TTC17: variants seen among roughly 807,000 people sequenced by gnomAD.
The protein encoded by TTC17 is tetratricopeptide repeat domain 17, also known as tetratricopeptide repeat protein 17.
Under a neutral mutation model 143.8 loss-of-function variants are expected in TTC17, and 58 were observed. The observed-to-expected ratio is 0.40, with a 90% CI of 0.33 to 0.50. The LOEUF (loss-of-function observed/expected upper bound fraction) is 0.50, where lower values mean the gene tolerates loss of function less well. Among genes scored for constraint, TTC17 ranks in the 20% least tolerant of loss-of-function variants. TTC17 has a pLI of 0.49. For missense variants in TTC17, 1,273 were observed against 1,392.5 expected (o/e 0.91, Z 1.37); for synonymous variants, 501 against 497.8 (o/e 1.01, Z -0.09).
intron 2 of TTC17, among the ~76,000 whole-genome samples, chr11:43,387,385 T>C (rs1245324880): frequency 6.6e-6 from 1 of 152,176 alleles, no homozygotes; most frequent in Non-Finnish European, 1.5e-5. Context: ...CCATCTTTAC[T>C]CACATTCCAT....
intron 2 of TTC17, among the ~76,000 whole-genome samples, chr11:43,388,812 GAA>G (rs34105462): frequency 7.2e-6 from 1 of 139,370 alleles, no homozygotes; most frequent in African/African-American, 2.6e-5. Context: ...CATCTGTATG[GAA>G]AAAAAAAAAA....
intron 16 of TTC17, among the ~76,000 whole-genome samples, chr11:43,417,818 G>A (rs966019792): frequency 3.9e-5 from 6 of 152,162 alleles, no homozygotes; most frequent in African/African-American, 1.2e-4. Flanking sequence ...GCCACCGCAC[G>A]ATCCAGCCTG....
chr11:43,413,592 A>G (rs529178414), intron 15 of TTC17, among the ~76,000 whole-genome samples: 1 of 152,246 alleles, frequency 6.6e-6, no homozygotes, highest in African/African-American at 2.4e-5. Context: ...AAAGACTAAT[A>G]TATAATATAG....
At chr11:43,475,858 T>C (rs1948175262) in intron 21 of TTC17, among the ~76,000 whole-genome samples, 1 of 152,204 alleles carries the variant, frequency 6.6e-6, no homozygotes. Flanking sequence ...ATTCTAAGTG[T>C]ATGTATTGTG....
chr11:43,459,827 A>G (rs1377503701), intron 21 of TTC17, among the ~76,000 whole-genome samples: 1 of 152,270 alleles, frequency 6.6e-6, no homozygotes, highest in Non-Finnish European at 1.5e-5. Flanking sequence ...ATCATGAAAT[A>G]TTCAGCACTT....
At chr11:43,419,006 T>A (rs997275368) in intron 16 of TTC17, among the ~76,000 whole-genome samples, 1 of 152,208 alleles carries the variant, frequency 6.6e-6, no homozygotes, top group African/African-American at 2.4e-5. Flanking sequence ...ATTTTTCTTA[T>A]ATTAGCATAA....
intron 21 of TTC17, among the ~76,000 whole-genome samples, chr11:43,474,399 GT>G (rs1186717340): frequency 5.3e-5 from 8 of 152,244 alleles, no homozygotes; most frequent in South Asian, 2.1e-4. Context: ...TTTTTAAATG[GT>G]TTTCCATAGA....
intron 16 of TTC17, among the ~76,000 whole-genome samples, chr11:43,437,364 A>T (rs1947315696): frequency 6.6e-6 from 1 of 152,138 alleles, no homozygotes; most frequent in African/African-American, 2.4e-5. Flanking sequence ...ATTTCTGCCT[A>T]CACTATTGCA....
chr11:43,473,942 A>C (rs1052999499), intron 21 of TTC17, among the ~76,000 whole-genome samples: 49 of 152,184 alleles, frequency 3.2e-4, no homozygotes, highest in African/African-American at 1.1e-3. Flanking sequence ...GAAACTGACT[A>C]TATCTAGCAA....
chr11:43,464,164 C>T (rs12277240), intron 21 of TTC17, among the ~76,000 whole-genome samples: 8,889 of 151,552 alleles, frequency 0.059, 289 homozygotes, highest in African/African-American at 0.094. Flanking sequence ...CCTGTAATGC[C>T]GGGTACTCGG....
chr11:43,397,534 TTTC>T (rs1356490349), intron 7 of TTC17, 43 bp downstream of exon 7: 3 of 1,453,996 alleles, frequency 2.1e-6, no homozygotes, highest in Admixed American at 2.4e-5. Flanking sequence ...TAGTTGCCAC[TTTC>T]TTTTTTTTTT....
intron 1 of TTC17, among the ~76,000 whole-genome samples, chr11:43,363,714 T>G (rs1020951540): frequency 6.6e-6 from 1 of 152,226 alleles, no homozygotes; most frequent in Non-Finnish European, 1.5e-5. Context: ...CTCAAAGTCG[T>G]GTAACTAATG....
chr11:43,400,470 ACT>A (rs956181393), intron 9 of TTC17, among the ~76,000 whole-genome samples: 4 of 151,788 alleles, frequency 2.6e-5, no homozygotes, highest in Non-Finnish European at 5.9e-5. Context: ...AGGTCTAAAA[ACT>A]CTGCACTATG....
intron 21 of TTC17, among the ~76,000 whole-genome samples, chr11:43,470,283 G>A (rs546499576): frequency 1.4e-4 from 22 of 152,254 alleles, no homozygotes; most frequent in African/African-American, 5.3e-4. Flanking sequence ...CTTAGTCCAG[G>A]GGCCATTCTC....
At chr11:43,414,860 T>C (rs747067977) in intron 16 of TTC17, 84 bp downstream of exon 16, 229 of 1,444,334 alleles carry the variant, frequency 1.6e-4, no homozygotes, top group Non-Finnish European at 2.1e-4. Context: ...AATGATTTTC[T>C]CTATTTTACC....
chr11:43,445,855 GATC>G, intron 18 of TTC17: 2 of 745,280 alleles, frequency 2.7e-6, no homozygotes, highest in Non-Finnish European at 4.7e-6. Context: ...GAAAAATGGA[GATC>G]ATTAAGAGCC....
At chr11:43,476,596 G>C (rs1270192514) in intron 21 of TTC17, among the ~76,000 whole-genome samples, 1 of 152,202 alleles carries the variant, frequency 6.6e-6, no homozygotes, top group African/African-American at 2.4e-5. Flanking sequence ...AAGCTTCCAA[G>C]GCTTGGGGCT....
At chr11:43,442,907 A>G (rs527815052) in intron 16 of TTC17, among the ~76,000 whole-genome samples, 12 of 152,348 alleles carry the variant, frequency 7.9e-5, no homozygotes, top group Admixed American at 2.0e-4. Context: ...TAAGCCAGCT[A>G]TATGGTCTGG....
At chr11:43,359,180 C>A in intron 1 of TTC17, 67 bp downstream of exon 1, 1 of 1,463,738 alleles carries the variant, frequency 6.8e-7, no homozygotes, top group South Asian at 1.4e-5. Flanking sequence ...CCTGCTTGGC[C>A]CCTGGCTGTT....
Sources: allele counts gnomAD v4.1 joint callset (sites outside exome capture counted in the v4.1 genomes callset), GRCh38; gene constraint gnomAD v4.1.1; transcripts MANE v1.5; gene names NCBI Gene and HGNC (gene_info 2026-07-23, HGNC 2026-07-21).